SEPTIN7: variants seen among roughly 807,000 people sequenced by gnomAD.
The protein encoded by SEPTIN7 is septin-7.
Under a neutral mutation model 63.3 loss-of-function variants are expected in SEPTIN7, and 10 were observed. The observed-to-expected ratio is 0.16, with a 90% CI of 0.10 to 0.27. SEPTIN7 has a LOEUF of 0.27. Ranked by LOEUF, SEPTIN7 falls within the 10% of genes least tolerant of loss-of-function variation. SEPTIN7 has a pLI of 1.00. For missense variants in SEPTIN7, 310 were observed against 521.0 expected, an observed-to-expected ratio of 0.59 and a Z score of 3.94; for synonymous variants, 131 against 165.3, an observed-to-expected ratio of 0.79 and a Z score of 1.59.
At chr7:35,809,209 G>A (rs1788546719) in intron 1 of SEPTIN7, among the ~76,000 whole-genome samples, 1 of 152,166 alleles carries the variant, frequency 6.6e-6, no homozygotes, top group Admixed American at 6.5e-5. Flanking sequence ...ATAGAGGCAT[G>A]GTGATTAAGA....
intron 1 of SEPTIN7, among the ~76,000 whole-genome samples, chr7:35,807,944 TC>T (rs1788458112): frequency 6.6e-6 from 1 of 152,020 alleles, no homozygotes; most frequent in South Asian, 2.1e-4. Context: ...TTCCTCAGCC[TC>T]CTAAGTAGCT....
intron 1 of SEPTIN7, among the ~76,000 whole-genome samples, chr7:35,810,493 T>G (rs549002834): frequency 9.8e-4 from 148 of 151,714 alleles, no homozygotes; most frequent in Non-Finnish European, 1.5e-3. Flanking sequence ...CTGGCTAATT[T>G]TTTGTGTTTT....
intron 3 of SEPTIN7, among the ~76,000 whole-genome samples, chr7:35,860,872 C>G (rs1248994042): frequency 6.6e-6 from 1 of 152,156 alleles, no homozygotes; most frequent in Non-Finnish European, 1.5e-5. Context: ...TTTGTAGATT[C>G]ATCAGTTACA....
the SEPTIN7 span, among the ~76,000 whole-genome samples, chr7:35,912,624 C>T: frequency 3.3e-5 from 5 of 152,202 alleles, no homozygotes; most frequent in East Asian, 9.6e-4. Context: ...GAGCTGGTCT[C>T]GGCACTTCTC....
chr7:35,813,348 A>G (rs1788851535), intron 1 of SEPTIN7, among the ~76,000 whole-genome samples: 1 of 151,872 alleles, frequency 6.6e-6, no homozygotes, highest in Admixed American at 6.6e-5. Flanking sequence ...CAAATGAGTA[A>G]TATTCAGTAT....
intron 9 of SEPTIN7, among the ~76,000 whole-genome samples, chr7:35,884,832 G>A (rs1787129906): frequency 6.6e-6 from 1 of 152,064 alleles, no homozygotes; most frequent in African/African-American, 2.4e-5. Context: ...ATTATTAAGG[G>A]TTAAGTAAGG....
intron 3 of SEPTIN7, among the ~76,000 whole-genome samples, chr7:35,850,492 A>G (rs780956610): frequency 6.6e-6 from 1 of 152,300 alleles, no homozygotes; most frequent in Admixed American, 6.5e-5. Flanking sequence ...GAAAGGACTT[A>G]AAGATTCTGT....
chr7:35,874,632 C>T (rs1669521412), intron 6 of SEPTIN7, among the ~76,000 whole-genome samples: 1 of 152,098 alleles, frequency 6.6e-6, no homozygotes, highest in South Asian at 2.1e-4. Flanking sequence ...CCAATTCCTT[C>T]AAGTATACCT....
intron 10 of SEPTIN7, 52 bp downstream of exon 10, chr7:35,885,931 G>T: frequency 4.0e-6 from 5 of 1,256,406 alleles, no homozygotes; most frequent in Non-Finnish European, 5.7e-6. Context: ...CCCTAAGTAA[G>T]AGTTGGACAG....
chr7:35,891,722 A>G (rs1281896098), intron 11 of SEPTIN7, among the ~76,000 whole-genome samples: 2 of 152,194 alleles, frequency 1.3e-5, no homozygotes, highest in East Asian at 1.9e-4. Flanking sequence ...CACTTAGGCT[A>G]TACTAAATTT....
chr7:35,819,777 T>G (rs1789300804), intron 1 of SEPTIN7, among the ~76,000 whole-genome samples: 1 of 152,186 alleles, frequency 6.6e-6, no homozygotes, highest in African/African-American at 2.4e-5. Flanking sequence ...TGTCCTTTTT[T>G]TTCAATCTGT....
Position 35,801,277 on chromosome 7 carries a change from C to T in SEPTIN7, c.61+7C>T, listed in dbSNP as rs766017997. 1.2e-5 allele frequency: 17 copies of T among 1,375,592 alleles called. No individual in the cohort carries two copies. Among genetic ancestry groups the T allele is most frequent in the Non-Finnish European group, 1.4e-5 (15 of 1,070,538 alleles). The allele number at this position is 1,375,592 out of a possible 1,614,324, so 85.2% of individuals were successfully genotyped here. On this transcript the variant is annotated splice_region_variant and intron_variant, in intron 1 of 13. Transcript: ENST00000350320. Reference sequence around the variant, plus strand: ...GTCAACAGCAGCACCATGGGTGAGTCTCAGCTTCGGGTGCCGCGACTTGGG... The same window carrying T: ...GTCAACAGCAGCACCATGGGTGAGTTTCAGCTTCGGGTGCCGCGACTTGGG...
At chr7:35,815,430 C>T (rs1788997685) in intron 1 of SEPTIN7, among the ~76,000 whole-genome samples, 1 of 152,186 alleles carries the variant, frequency 6.6e-6, no homozygotes, top group South Asian at 2.1e-4. Context: ...TATACTGGTA[C>T]ATCGATTCCA....
intron 4 of SEPTIN7, 55 bp from the exon 5 acceptor site, chr7:35,872,611 A>G (rs1377429741): frequency 1.5e-6 from 2 of 1,351,300 alleles, no homozygotes; most frequent in African/African-American, 2.9e-5. Flanking sequence ...CACCCCTTGT[A>G]GGAAATCACT....
rs1173903018 is a variant in SEPTIN7 at position 35,902,926 on chromosome 7, G to T, written c.1135-150G>T. The T allele has an allele frequency of 3.3e-6, 4 of 1,196,832 alleles. No individual in the cohort carries two copies. In the East Asian group the frequency reaches 1.2e-4, roughly 37 times the overall value. 74.1% of individuals were successfully genotyped at this position (1,196,832 alleles called of 1,614,324 possible). On this transcript the variant is annotated intron_variant, in intron 12 of 13. Coordinates refer to ENST00000350320, the MANE Select transcript of SEPTIN7 (RefSeq NM_001788.6). ...AGGTCCTAAAGGAGGAGGAGTCCTTGACCAGAGTACTTCCAGGTAGTACTC... is the reference window on the plus strand; with the variant it reads ...AGGTCCTAAAGGAGGAGGAGTCCTTTACCAGAGTACTTCCAGGTAGTACTC...
At chr7:35,831,411 T>A (rs1303758670) in intron 1 of SEPTIN7, 81 bp from the exon 2 acceptor site, 1 of 395,260 alleles carries the variant, frequency 2.5e-6, no homozygotes, top group East Asian at 8.3e-5. Context: ...ATTCTTGGAA[T>A]TCTTTGTTTA....
intron 3 of SEPTIN7, among the ~76,000 whole-genome samples, chr7:35,845,525 GAGTC>G (rs1373922224): frequency 1.3e-5 from 2 of 152,192 alleles, no homozygotes; most frequent in Non-Finnish European, 2.9e-5. Context: ...TTTCTGGTGA[GAGTC>G]AGATTTAAAA....
At chr7:35,826,426 G>C (rs1357408323) in intron 1 of SEPTIN7, among the ~76,000 whole-genome samples, 1 of 150,396 alleles carries the variant, frequency 6.6e-6, no homozygotes. Context: ...AAAATCCAAA[G>C]GGAGGCAGAT....
intron 1 of SEPTIN7, among the ~76,000 whole-genome samples, chr7:35,813,809 A>C (rs1404812989): frequency 2.0e-5 from 3 of 152,156 alleles, no homozygotes; most frequent in Admixed American, 2.0e-4. Flanking sequence ...GTAACTTGGG[A>C]TATTGATCAT....
Sources: allele counts gnomAD v4.1 joint callset (sites outside exome capture counted in the v4.1 genomes callset), GRCh38; gene constraint gnomAD v4.1.1; transcripts MANE v1.5; gene names NCBI Gene and HGNC (gene_info 2026-07-23, HGNC 2026-07-21).